VSX1: variants seen among roughly 807,000 people sequenced by gnomAD.
VSX1 encodes the protein homeodomain protein RINX.
Under a neutral mutation model 23.6 loss-of-function variants are expected in VSX1, and 23 were observed. The ratio of observed to expected loss-of-function variants is 0.97; its 90% confidence interval spans 0.70 to 1.38. VSX1 has a LOEUF of 1.38. Ranked by LOEUF, VSX1 falls within the 40% of genes most tolerant of loss-of-function variation. The pLI, the probability that VSX1 is intolerant of heterozygous loss-of-function variation, is 0.00. For missense variants in VSX1, 517 were observed against 495.4 expected, an observed-to-expected ratio of 1.04 and a Z score of -0.41; for synonymous variants, 247 against 215.1, an observed-to-expected ratio of 1.15 and a Z score of -1.30.
intron 3 of VSX1, 51 bp from the exon 4 acceptor site, chr20:25,077,916 G>C (rs1251054807): frequency 4.5e-6 from 7 of 1,546,794 alleles, no homozygotes; most frequent in South Asian, 3.6e-5. Context: ...CAGTGAAGAG[G>C]GGCGCCTGGA....
downstream of VSX1, among the ~76,000 whole-genome samples, chr20:25,073,972 GTTC>G (rs1486756833): frequency 6.6e-6 from 1 of 152,162 alleles, no homozygotes; most frequent in Non-Finnish European, 1.5e-5. Context: ...TGTTCGTAGA[GTTC>G]TTCTTGAGTT....
downstream of VSX1, among the ~76,000 whole-genome samples, chr20:25,075,227 G>A (rs1021508328): frequency 3.3e-5 from 5 of 152,200 alleles, no homozygotes; most frequent in Admixed American, 2.0e-4. Context: ...TCTTCAGGAA[G>A]CACCATATTT....
rs894273903 is a variant in VSX1, at chr20:25,081,876, G to T, written c.221C>A (p.Ala74Glu). 2 of 1,525,494 alleles carry T rather than the reference G, an allele frequency of 1.3e-6. No homozygotes were observed. Among genetic ancestry groups the T allele is most frequent in the African/African-American group, 2.8e-5 (2 of 71,638 alleles). The allele number at this position is 1,525,494 out of a possible 1,614,324, so 94.5% of individuals were successfully genotyped here. The change falls in exon 1 of 5, where the codon GCG (alanine) becomes GAG (glutamate). Residue 74 changes from alanine (A) to glutamate (E), a missense_variant. By Grantham distance (107) the Ala-to-Glu change is moderately radical (BLOSUM62 -1). Transcript: ENST00000376709. ...GAGTCCCAGCGGTAGGGCCCCACGCGCCAGGCTGGAGCCGTCAAGCCCCGG... is the reference window on the plus strand; with the variant it reads ...GAGTCCCAGCGGTAGGGCCCCACGCTCCAGGCTGGAGCCGTCAAGCCCCGG... Reference protein sequence around the residue: ...PGPGLDGSSLARGALPLGLGL... With the variant: ...PGPGLDGSSLERGALPLGLGL...
At chr20:25,080,522 G>T (rs1303796424) in intron 1 of VSX1, among the ~76,000 whole-genome samples, 1 of 152,192 alleles carries the variant, frequency 6.6e-6, no homozygotes, top group African/African-American at 2.4e-5. Flanking sequence ...GATAATATTT[G>T]CTATCATTGT....
In VSX1 at chr20:25,078,911, G is replaced by A. The variant is rs2089574574; in HGVS notation, c.545C>T (p.Ala182Val). ...ATCAGGGTAGTGGGCCTCGCTGAAT[G>A]CCTTCTCCAACTCTTCCAGCTGGTG... ...TAHQLEELEK[A>V]FSEAHYPDVY... is the part of the protein sequence containing the mutation. The change falls in exon 3 of 5, where the codon GCA (alanine) becomes GTA (valine). Residue 182 changes from alanine to valine, a missense_variant. Ala to Val is a moderately conservative substitution (Grantham distance 64, BLOSUM62 0). Transcript: ENST00000376709. 12 of 1,614,152 alleles carry A rather than the reference G, an allele frequency of 7.4e-6. No individual in the cohort carries two copies. Among genetic ancestry groups the A allele is most frequent in the African/African-American group, 1.3e-5 (1 of 75,036 alleles).
In VSX1 at chr20:25,076,258, G is replaced by T. The variant is rs201807082; in HGVS notation, c.*3C>A. The T allele has an allele frequency of 1.3e-4, 213 of 1,614,058 alleles. No individual in the cohort carries two copies. The highest frequency in any genetic ancestry group is 1.7e-4 in the Non-Finnish European group (198 of 1,180,046). On this transcript the variant is annotated 3_prime_UTR_variant, in exon 5 of 5. Coordinates refer to ENST00000376709, the MANE Select transcript of VSX1 (RefSeq NM_014588.6). The stretch of plus-strand genomic sequence containing the variant: ...CAGCCTTTGACAGTGGGACCTGTGG[G>T]TCTCATGTGGCTCCCACCTTCCCTG...
chr20:25,072,679 T>C (rs1369000415), downstream of VSX1: 2 of 471,018 alleles, frequency 4.2e-6, no homozygotes, highest in African/African-American at 4.0e-5. Context: ...TTGAACATGA[T>C]TCATTGACCA....
rs903160762 is a variant in VSX1, at chr20:25,081,728, G to T, written c.369C>A (p.Ser123Arg). Residue 123 changes from serine to arginine, a missense_variant, in exon 1 of 5, where the codon AGC becomes AGA. By Grantham distance (110) the Ser-to-Arg change is moderately radical (BLOSUM62 -1). Coordinates refer to ENST00000376709, the MANE Select transcript of VSX1 (RefSeq NM_014588.6). ...GGCGGCCGAGCGCAGGCGGCGGACG[G>T]CTGGGAGCCAGCGGGGCAGCGGGCT... The part of the protein sequence containing the change: ...GPEPAAPLAP[S>R]RPPPALGRQK... 1 of 1,501,998 alleles carries T rather than the reference G, an allele frequency of 6.7e-7. No homozygotes were observed. The highest frequency in any genetic ancestry group is 1.3e-5 in the South Asian group (1 of 78,948). 93.0% of individuals were successfully genotyped at this position (1,501,998 alleles called of 1,614,324 possible). A position where few individuals can be genotyped will look rare whatever the true frequency, so the allele number is the denominator to read the frequency against.
chr20:25,078,645 A>G, intron 3 of VSX1, 184 bp downstream of exon 3: 1 of 1,537,728 alleles, frequency 6.5e-7, no homozygotes, highest in Non-Finnish European at 8.7e-7. Flanking sequence ...ATAATAATAA[A>G]ATGAAAAAAG....
chr20:25,078,061 C>A (rs1381276357), intron 3 of VSX1, 196 bp from the exon 4 acceptor site: 10 of 686,622 alleles, frequency 1.5e-5, no homozygotes, highest in East Asian at 1.4e-4. Context: ...GCAGCGCCCA[C>A]GTGCGGTCCG....
downstream of VSX1, chr20:25,072,594 A>G (rs772285801): frequency 6.4e-6 from 3 of 471,040 alleles, no homozygotes; most frequent in Admixed American, 4.7e-5. Flanking sequence ...CCATTTGACA[A>G]TCGGCTTAGC....
At chr20:25,071,203 G>A (rs764559438), downstream of VSX1, 2 of 453,090 alleles carry the variant, frequency 4.4e-6, no homozygotes, top group African/African-American at 4.0e-5. Context: ...TCACATGGGT[G>A]CCAAGCTGAG....
chr20:25,081,970 G>T lies in VSX1; in HGVS notation c.127C>A (p.Leu43Met). 6.5e-7 allele frequency: 1 copy of T among 1,533,072 alleles called. No homozygotes were observed. Among genetic ancestry groups the T allele is most frequent in the Non-Finnish European group, 8.7e-7 (1 of 1,146,156 alleles). The allele number at this position is 1,533,072 out of a possible 1,614,324, so 95.0% of individuals were successfully genotyped here. A position where few individuals can be genotyped will look rare whatever the true frequency, so the allele number is the denominator to read the frequency against. The change falls in exon 1 of 5, where the codon CTG becomes ATG. Residue 43 changes from leucine (L) to methionine (M), a missense_variant. Coordinates refer to ENST00000376709, the MANE Select transcript of VSX1 (RefSeq NM_014588.6). Reference sequence around the variant, plus strand: ...TGTCCTGGGCCAGCGGGCGCCGGCAGCTCGGCCTCCAAGCCCAGCAGGTCC... The same window carrying T: ...TGTCCTGGGCCAGCGGGCGCCGGCATCTCGGCCTCCAAGCCCAGCAGGTCC... Reference protein sequence around the residue: ...ITDLLGLEAELPAPAGPGQGS... With the variant: ...ITDLLGLEAEMPAPAGPGQGS...
downstream of VSX1, among the ~76,000 whole-genome samples, chr20:25,073,142 T>C (rs1400545925): frequency 6.6e-6 from 1 of 152,172 alleles, no homozygotes; most frequent in Non-Finnish European, 1.5e-5. Flanking sequence ...GAACTCTTTA[T>C]CCTGAAAAAT....
chr20:25,077,175 C>T (rs182431064), intron 4 of VSX1, among the ~76,000 whole-genome samples: 2 of 152,282 alleles, frequency 1.3e-5, no homozygotes, highest in African/African-American at 2.4e-5. Flanking sequence ...AGTGCTGGGT[C>T]TCAGCAGCGG....
rs1568863787 is a variant in VSX1 at position 25,077,809 on chromosome 20, G to GAGC, written c.683_684insGCT (p.Gly228_Ser229insLeu). On this transcript the variant is annotated inframe_insertion, in exon 4 of 5. Transcript: ENST00000376709. ...GCCCGTACTCGGCCATCACGCTGCT[G>GAGC]CCGCCCCAGCGCTTCTCCCGCTTGC... The GAGC allele has an allele frequency of 6.4e-6, 10 of 1,551,440 alleles. No individual in the cohort carries two copies. Among genetic ancestry groups the GAGC allele is most frequent in the Non-Finnish European group, 7.8e-6 (9 of 1,147,106 alleles).
downstream of VSX1, chr20:25,072,775 C>G (rs745956625): frequency 1.6e-5 from 7 of 435,226 alleles, no homozygotes; most frequent in African/African-American, 1.4e-4. Flanking sequence ...GTTCTTCTAT[C>G]ATTTCTGAAA....
chr20:25,074,258 T>C (rs1194165444), downstream of VSX1, among the ~76,000 whole-genome samples: 5 of 152,136 alleles, frequency 3.3e-5, no homozygotes, highest in South Asian at 4.1e-4. Flanking sequence ...ATCAGAAAGG[T>C]AGTGAAACTC....
chr20:25,076,809 G>A lies in VSX1; in HGVS notation c.809-259C>T, dbSNP rs140573689. On this transcript the variant is annotated intron_variant, in intron 4 of 4. Transcript: ENST00000376709. The stretch of plus-strand genomic sequence containing the variant: ...TTGGGCCCACTTTCCCCTAGGCTGC[G>A]GTCTCGCAGATGCCAGTAAGTGCCC... Among the ~76,000 whole-genome samples, 75 of 152,246 alleles carry A rather than the reference G, an allele frequency of 4.9e-4. No individual in the cohort carries two copies. The East Asian group carries it at 0.013, about 26-fold the overall frequency.
Sources: allele counts gnomAD v4.1 joint callset (sites outside exome capture counted in the v4.1 genomes callset), GRCh38; gene constraint gnomAD v4.1.1; transcripts MANE v1.5; gene names NCBI Gene and HGNC (gene_info 2026-07-23, HGNC 2026-07-21).